Variants in HMG20A observed in about 807,000 individuals in gnomAD.
HMG20A encodes the protein high mobility group 20A.
Under a neutral mutation model 43.9 loss-of-function variants are expected in HMG20A, and 17 were observed. That is an observed-to-expected ratio of 0.39 (90% confidence interval 0.27 to 0.58). The LOEUF (loss-of-function observed/expected upper bound fraction) is 0.58, where lower values mean the gene tolerates loss of function less well. Ranked by LOEUF, HMG20A falls within the 20% of genes least tolerant of loss-of-function variation. HMG20A has a pLI of 0.59. For synonymous variants in HMG20A, 132 were observed against 147.5 expected (o/e 0.89, Z 0.76); for missense variants, 341 against 438.2 (o/e 0.78, Z 1.98).
intron 1 of HMG20A, among the ~76,000 whole-genome samples, chr15:77,443,369 TG>T (rs1567394322): frequency 6.9e-5 from 9 of 130,758 alleles, no homozygotes; most frequent in African/African-American, 2.7e-5. Context: ...ATGATGATGA[TG>T]ATGATGATGA....
intron 1 of HMG20A, among the ~76,000 whole-genome samples, chr15:77,428,086 C>G (rs937342373): frequency 6.6e-6 from 1 of 152,112 alleles, no homozygotes; most frequent in African/African-American, 2.4e-5. Flanking sequence ...ACTGACTTAC[C>G]TGTGTTCATA....
At chr15:77,425,459 C>A (rs182314409) in intron 1 of HMG20A, among the ~76,000 whole-genome samples, 130 of 152,278 alleles carry the variant, frequency 8.5e-4, no homozygotes, top group Non-Finnish European at 1.2e-3. Context: ...ACTCAAATAT[C>A]TATAAAATGA....
chr15:77,511,528 G>A, the HMG20A span, among the ~76,000 whole-genome samples: 1 of 152,170 alleles, frequency 6.6e-6, no homozygotes. Flanking sequence ...CATGTCGAAA[G>A]CACATAAGAT....
At chr15:77,499,112 A>G in the HMG20A span, among the ~76,000 whole-genome samples, 1 of 152,210 alleles carries the variant, frequency 6.6e-6, no homozygotes, top group Non-Finnish European at 1.5e-5. Context: ...AATGAAGCAC[A>G]TACTATTCTA....
chr15:77,474,523 C>T (rs1263039940), intron 6 of HMG20A, among the ~76,000 whole-genome samples: 1 of 152,232 alleles, frequency 6.6e-6, no homozygotes, highest in East Asian at 1.9e-4. Context: ...TGCCATGCTA[C>T]ATAGCATAAA....
chr15:77,473,527 C>T (rs1332475900), intron 6 of HMG20A, among the ~76,000 whole-genome samples: 1 of 152,228 alleles, frequency 6.6e-6, no homozygotes, highest in African/African-American at 2.4e-5. Context: ...GAATAGGTGT[C>T]AGTCATCTGA....
chr15:77,438,724 C>G (rs966223536), intron 1 of HMG20A, among the ~76,000 whole-genome samples: 2 of 151,996 alleles, frequency 1.3e-5, no homozygotes, highest in Non-Finnish European at 2.9e-5. Flanking sequence ...TTCCCAAAAC[C>G]CTTGAAAAAA....
chr15:77,490,669 A>G, the HMG20A span, among the ~76,000 whole-genome samples: 1 of 152,214 alleles, frequency 6.6e-6, no homozygotes, highest in Non-Finnish European at 1.5e-5. Context: ...TAAGAAAAAG[A>G]AGAAGAATGA....
the HMG20A span, among the ~76,000 whole-genome samples, chr15:77,495,412 G>T: frequency 6.6e-6 from 1 of 152,186 alleles, no homozygotes; most frequent in Non-Finnish European, 1.5e-5. Context: ...GCTGGGTGTG[G>T]TGGCACATGC....
chr15:77,422,322 C>A (rs1343405795), intron 1 of HMG20A, among the ~76,000 whole-genome samples: 2 of 152,068 alleles, frequency 1.3e-5, no homozygotes, highest in African/African-American at 2.4e-5. Flanking sequence ...TATTTTAATT[C>A]TATAATAGTT....
In HMG20A at chr15:77,478,076, AT is replaced by A. The variant is rs1168980679; in HGVS notation, c.692-218del. On this transcript the variant is annotated intron_variant, in intron 7 of 9. Coordinates refer to ENST00000336216, the MANE Select transcript of HMG20A (RefSeq NM_001304504.2). The stretch of plus-strand genomic sequence containing the variant: ...AATTGAAACTGTTTGTTGCAATCTT[AT>A]GTATGGAATGTGACTAGCTTTAAGA... 137 of 581,632 alleles carry A rather than the reference AT, an allele frequency of 2.4e-4. 1 individual carries two copies. In the Middle Eastern group the frequency reaches 5.5e-3, roughly 23 times the overall value. 36.0% of individuals were successfully genotyped at this position (581,632 alleles called of 1,614,324 possible).
chr15:77,479,440 G>T, intron 9 of HMG20A, 119 bp downstream of exon 9: 2 of 905,340 alleles, frequency 2.2e-6, no homozygotes. Context: ...TTGGAGACTT[G>T]GTTAAGATTC....
At chr15:77,424,604 T>G (rs1307710552) in intron 1 of HMG20A, among the ~76,000 whole-genome samples, 1 of 152,222 alleles carries the variant, frequency 6.6e-6, no homozygotes, top group Non-Finnish European at 1.5e-5. Flanking sequence ...TTTGCCCACA[T>G]GTCTGTTTTA....
intron 1 of HMG20A, among the ~76,000 whole-genome samples, chr15:77,449,904 T>G (rs926079689): frequency 2.6e-5 from 4 of 152,132 alleles, no homozygotes; most frequent in African/African-American, 9.7e-5. Flanking sequence ...CACCATTGTA[T>G]CACGTAGAAA....
intron 1 of HMG20A, among the ~76,000 whole-genome samples, chr15:77,456,634 CA>C (rs34114445): frequency 0.46 from 43,793 of 94,940 alleles, 6,961 homozygotes; most frequent in Middle Eastern, 0.67. Context: ...GCGAGACTGT[CA>C]AAAAAAAAAA....
At chr15:77,472,346 C>G (rs1455523928) in intron 6 of HMG20A, among the ~76,000 whole-genome samples, 1 of 152,216 alleles carries the variant, frequency 6.6e-6, no homozygotes, top group Non-Finnish European at 1.5e-5. Flanking sequence ...ACAATCTCAG[C>G]CCACTGCAAC....
At chr15:77,443,409 T>TATTA (rs1360003856) in intron 1 of HMG20A, among the ~76,000 whole-genome samples, 1 of 148,016 alleles carries the variant, frequency 6.8e-6, no homozygotes, top group Non-Finnish European at 1.5e-5. Flanking sequence ...TTATTATTAT[T>TATTA]AAGTTAGGGT....
At chr15:77,434,511 A>C (rs184316080) in intron 1 of HMG20A, among the ~76,000 whole-genome samples, 6 of 152,340 alleles carry the variant, frequency 3.9e-5, no homozygotes, top group African/African-American at 1.4e-4. Context: ...GGACTTGTAG[A>C]GCTCTTACAG....
At chr15:77,465,621 C>T (rs1036087891) in intron 3 of HMG20A, among the ~76,000 whole-genome samples, 17 of 152,146 alleles carry the variant, frequency 1.1e-4, no homozygotes, top group African/African-American at 3.9e-4. Context: ...TCTCGAAATT[C>T]TGACCTCAAG....
Sources: gnomAD v4.1 joint callset for allele counts (sites outside exome capture counted in the v4.1 genomes callset) on GRCh38, gnomAD v4.1.1 for gene constraint, MANE v1.5 for transcripts, NCBI Gene and HGNC (gene_info 2026-07-23, HGNC 2026-07-21) for gene names.